Variants in PACC1 observed in about 807,000 individuals in gnomAD.
PACC1 encodes proton activated chloride channel 1.
A neutral mutation model predicts 39.7 loss-of-function variants in PACC1; 34 were observed. The ratio of observed to expected loss-of-function variants is 0.86; its 90% CI spans 0.65 to 1.14. The LOEUF (loss-of-function observed/expected upper bound fraction) is 1.14. Among genes scored for constraint, PACC1 ranks in the 50% most tolerant of loss-of-function variants. PACC1 has a pLI of 0.00. For missense variants in PACC1, 379 were observed against 436.4 expected (o/e 0.87, Z 1.17); for synonymous variants, 127 against 160.6 (o/e 0.79, Z 1.58).
intron 1 of PACC1, 77 bp downstream of exon 1, chr1:212,414,645 C>A: frequency 6.4e-7 from 1 of 1,565,498 alleles, no homozygotes; most frequent in Non-Finnish European, 8.8e-7. Flanking sequence ...CGACACCCCC[C>A]GCCCCGCATC....
At chr1:212,369,247 TA>T (rs1660356466) in intron 7 of PACC1, among the ~76,000 whole-genome samples, 2 of 151,890 alleles carry the variant, frequency 1.3e-5, no homozygotes, top group African/African-American at 2.4e-5. Context: ...ATAATAAAAA[TA>T]AAAAGTAAGG....
intron 1 of PACC1, among the ~76,000 whole-genome samples, chr1:212,414,290 C>A (rs1316003352): frequency 6.6e-6 from 1 of 152,186 alleles, no homozygotes. Context: ...GGGGAGGATG[C>A]CGACGATGCC....
At chr1:212,400,735 T>C (rs1385348476) in intron 2 of PACC1, among the ~76,000 whole-genome samples, 1 of 152,232 alleles carries the variant, frequency 6.6e-6, no homozygotes, top group Admixed American at 6.5e-5. Context: ...TATCATCCTT[T>C]AAATGAATGC....
chr1:212,414,632 C>T (rs893935713), intron 1 of PACC1, 90 bp downstream of exon 1: 3 of 1,509,262 alleles, frequency 2.0e-6, no homozygotes, highest in Non-Finnish European at 2.7e-6. Context: ...TGCCGCGCAG[C>T]CCCGACACCC....
intron 2 of PACC1, among the ~76,000 whole-genome samples, chr1:212,409,544 T>C (rs1331488532): frequency 6.6e-6 from 1 of 151,884 alleles, no homozygotes; most frequent in Non-Finnish European, 1.5e-5. Flanking sequence ...AATGGAGAAC[T>C]ACTCTGAAGT....
intron 4 of PACC1, among the ~76,000 whole-genome samples, chr1:212,383,080 G>A (rs1571647070): frequency 6.6e-6 from 1 of 152,164 alleles, no homozygotes; most frequent in Non-Finnish European, 1.5e-5. Context: ...TAGGAAACTT[G>A]GTGGATAGGG....
At chr1:212,388,255 A>G (rs1258064131) in intron 2 of PACC1, among the ~76,000 whole-genome samples, 11 of 152,096 alleles carry the variant, frequency 7.2e-5, no homozygotes, top group Admixed American at 3.9e-4. Flanking sequence ...GGATGGGGCC[A>G]GTCTTATCCC....
chr1:212,399,921 C>G (rs773803610), intron 2 of PACC1, among the ~76,000 whole-genome samples: 1 of 151,818 alleles, frequency 6.6e-6, no homozygotes, highest in East Asian at 1.9e-4. Context: ...CTTGGTTCAC[C>G]GCAACCTCCG....
chr1:212,365,099 C>T lies in PACC1; in HGVS notation c.*116G>A. On this transcript the variant is annotated 3_prime_UTR_variant, in exon 8 of 8. Coordinates refer to ENST00000261455, the MANE Select transcript of PACC1 (RefSeq NM_018252.3). ...TTCCAGTTTTACATGCTGTTCCTCC[C>T]AGCAAGGCCCCATTTCTTCAAGTGA... The T allele has an allele frequency of 9.2e-7, 1 of 1,088,944 alleles. No homozygotes were observed. The highest frequency in any genetic ancestry group is 1.3e-6 in the Non-Finnish European group (1 of 779,698). The allele number at this position is 1,088,944 out of a possible 1,614,324, so 67.5% of individuals were successfully genotyped here. A position where few individuals can be genotyped will look rare whatever the true frequency, so the allele number is the denominator to read the frequency against.
intron 2 of PACC1, among the ~76,000 whole-genome samples, chr1:212,396,521 C>T (rs1233458681): frequency 6.6e-6 from 1 of 151,504 alleles, no homozygotes; most frequent in Non-Finnish European, 1.5e-5. Flanking sequence ...ACCAACATGG[C>T]ACATGTATAC....
chr1:212,399,222 A>G (rs919082848), intron 2 of PACC1, among the ~76,000 whole-genome samples: 1 of 152,232 alleles, frequency 6.6e-6, no homozygotes, highest in Non-Finnish European at 1.5e-5. Flanking sequence ...ATCTGAATCT[A>G]ATTTTTAAGA....
At chr1:212,400,863 T>A (rs1661685667) in intron 2 of PACC1, among the ~76,000 whole-genome samples, 1 of 152,174 alleles carries the variant, frequency 6.6e-6, no homozygotes, top group Non-Finnish European at 1.5e-5. Context: ...TGCCCCAGAA[T>A]GCAAGTTCAT....
rs757354499 is a variant in PACC1 at position 212,379,910 on chromosome 1, T to C, written c.623A>G (p.Gln208Arg). The stretch of plus-strand genomic sequence containing the variant: ...AAAAGCCCACCTTTGCAGGAACTCC[T>C]GGAAAGAAGAGAAGAGGAGGTAATC... Reference protein sequence around the residue: ...AIDYLLFSSFQEFLQSPNRVG... With the variant: ...AIDYLLFSSFREFLQSPNRVG... The change falls in exon 5 of 8, where the codon CAG (glutamine) becomes CGG (arginine). Residue 208 changes from glutamine (Q) to arginine (R), a missense_variant. Coordinates refer to ENST00000261455, the MANE Select transcript of PACC1 (RefSeq NM_018252.3). The C allele has an allele frequency of 1.2e-6, 2 of 1,614,062 alleles. No individual in the cohort carries two copies. Among genetic ancestry groups the C allele is most frequent in the East Asian group, 2.2e-5 (1 of 44,894 alleles).
intron 5 of PACC1, among the ~76,000 whole-genome samples, chr1:212,378,982 T>C (rs1034103641): frequency 3.3e-5 from 5 of 151,780 alleles, no homozygotes; most frequent in Non-Finnish European, 5.9e-5. Context: ...CTCGCTCTGT[T>C]GCCCAGGCTG....
At chr1:212,402,726 C>T (rs1661761459) in intron 2 of PACC1, among the ~76,000 whole-genome samples, 1 of 152,200 alleles carries the variant, frequency 6.6e-6, no homozygotes, top group Admixed American at 6.5e-5. Context: ...ACGATCTTGG[C>T]TCACTACAAC....
intron 1 of PACC1, 59 bp downstream of exon 1, chr1:212,414,663 G>A: frequency 6.2e-7 from 1 of 1,602,224 alleles, no homozygotes; most frequent in African/African-American, 1.3e-5. Context: ...ATCCGCCCAG[G>A]CCCCCGGGAC....
intron 2 of PACC1, among the ~76,000 whole-genome samples, chr1:212,392,749 A>G (rs1452343678): frequency 6.6e-6 from 1 of 151,950 alleles, no homozygotes; most frequent in African/African-American, 2.4e-5. Flanking sequence ...AGATCTACCA[A>G]GCAAATGGAA....
At chr1:212,405,295 C>G (rs542562563) in intron 2 of PACC1, among the ~76,000 whole-genome samples, 1 of 152,252 alleles carries the variant, frequency 6.6e-6, no homozygotes, top group South Asian at 2.1e-4. Context: ...ACACTAGGCA[C>G]TGGAGTTACA....
rs768179816 is a variant in PACC1 at position 212,378,309 on chromosome 1, G to A, written c.639-603C>T. Among the ~76,000 whole-genome samples, 9 of 152,326 alleles carry A rather than the reference G, an allele frequency of 5.9e-5. No individual in the cohort carries two copies. The East Asian group carries it at 7.7e-4, about 13-fold the overall frequency. ...CACGAAAGGAGCGTGGAGTGGGGGT[G>A]GGATCCCGGGGAAAGTCTTCCAGGA... On this transcript the variant is annotated intron_variant, in intron 5 of 7. Transcript: ENST00000261455.
Sources: allele counts gnomAD v4.1 joint callset (sites outside exome capture counted in the v4.1 genomes callset), GRCh38; gene constraint gnomAD v4.1.1; transcripts MANE v1.5; gene names NCBI Gene and HGNC (gene_info 2026-07-23, HGNC 2026-07-21).